Variants in FCN2 observed in about 807,000 individuals in gnomAD.
FCN2 encodes ficolin-2.
FCN2 carries 31 observed loss-of-function variants against 32.5 expected under a neutral mutation model. That is an observed-to-expected ratio of 0.96 (90% confidence interval 0.72 to 1.29). The LOEUF is 1.29. FCN2 is among the 50% of genes most tolerant of loss of function. The pLI is 0.00. For synonymous variants in FCN2, 181 were observed against 164.5 expected, an observed-to-expected ratio of 1.10 and a Z score of -0.77; for missense variants, 412 against 406.5, an observed-to-expected ratio of 1.01 and a Z score of -0.12.
upstream of FCN2, among the ~76,000 whole-genome samples, chr9:134,877,367 A>G (rs1260580006): frequency 6.6e-6 from 1 of 152,094 alleles, no homozygotes; most frequent in East Asian, 1.9e-4. Flanking sequence ...ATTCTTTCTA[A>G]TTTCTCCTTT....
intron 2 of FCN2, 152 bp downstream of exon 2, chr9:134,882,791 G>A (rs1830684100): frequency 1.6e-6 from 1 of 616,742 alleles, no homozygotes; most frequent in East Asian, 2.7e-5. Context: ...GGCCCAACAG[G>A]GTTCTGACAT....
chr9:134,880,922 G>T lies in FCN2; in HGVS notation c.100+1G>T. The T allele has an allele frequency of 6.2e-7, 1 of 1,609,418 alleles. No individual in the cohort carries two copies. The highest frequency in any genetic ancestry group is 8.5e-7 in the Non-Finnish European group (1 of 1,177,006). ...CTCCAGGCGGCAGACACCTGTCCAG[G>T]TAAGGGCACTCCAGGGCCTCCTCCT... On this transcript the variant is annotated splice_donor_variant, in intron 1 of 7. Coordinates refer to ENST00000291744, the MANE Select transcript of FCN2 (RefSeq NM_004108.3). LOFTEE classifies it high-confidence loss of function.
At chr9:134,879,787 C>G (rs1007572233), upstream of FCN2, among the ~76,000 whole-genome samples, 1 of 152,122 alleles carries the variant, frequency 6.6e-6, no homozygotes, top group East Asian at 1.9e-4. Flanking sequence ...AGTTTAAAAT[C>G]CTTCTACTGA....
chr9:134,872,982 G>A, the FCN2 span, among the ~76,000 whole-genome samples: 1 of 152,150 alleles, frequency 6.6e-6, no homozygotes, highest in African/African-American at 2.4e-5. Context: ...ACAGGGGTGT[G>A]GTGACGTCTC....
the FCN2 span, among the ~76,000 whole-genome samples, chr9:134,865,651 C>T: frequency 6.6e-6 from 1 of 151,590 alleles, no homozygotes; most frequent in Non-Finnish European, 1.5e-5. Flanking sequence ...AAAAAAAAAT[C>T]CACCAAGCAG....
chr9:134,866,593 T>A, the FCN2 span, among the ~76,000 whole-genome samples: 1 of 150,626 alleles, frequency 6.6e-6, no homozygotes, highest in South Asian at 2.1e-4. Flanking sequence ...GGACTTCATG[T>A]CCAAAACACC....
At chr9:134,871,397 G>A in the FCN2 span, among the ~76,000 whole-genome samples, 2 of 152,178 alleles carry the variant, frequency 1.3e-5, no homozygotes, top group Non-Finnish European at 1.5e-5. Flanking sequence ...CTGGCATCTC[G>A]CGGGTCCCAC....
the FCN2 span, among the ~76,000 whole-genome samples, chr9:134,872,069 C>T: frequency 5.3e-5 from 8 of 152,332 alleles, no homozygotes; most frequent in Admixed American, 5.2e-4. Context: ...TCTTCCTCCC[C>T]CCGGCAGACC....
rs761263736 is a variant in FCN2 at position 134,885,925 on chromosome 9, C to T, written c.559+28C>T. On this transcript the variant is annotated intron_variant, in intron 6 of 7. Coordinates refer to ENST00000291744, the MANE Select transcript of FCN2 (RefSeq NM_004108.3). Reference sequence around the variant, plus strand: ...AGGGCCGCTGCTGGGGCTTGGGGGTCGGGGGCCCTGAATGGGGGTGCCCCT... The same window carrying T: ...AGGGCCGCTGCTGGGGCTTGGGGGTTGGGGGCCCTGAATGGGGGTGCCCCT... The T allele has an allele frequency of 1.6e-5, 25 of 1,590,612 alleles. No homozygotes were observed. The African/African-American group carries it at 2.0e-4, about 13-fold the overall frequency.
At chr9:134,882,433 T>G in intron 1 of FCN2, 93 bp from the exon 2 acceptor site, 1 of 1,031,226 alleles carries the variant, frequency 9.7e-7, no homozygotes, top group South Asian at 1.3e-5. Context: ...GTCACCAAGA[T>G]GGCAGATGCC....
At chr9:134,869,319 G>C in the FCN2 span, among the ~76,000 whole-genome samples, 41 of 152,332 alleles carry the variant, frequency 2.7e-4, no homozygotes, top group Middle Eastern at 3.4e-3. Context: ...GAGAGGGAAA[G>C]GTCCTCCTCC....
At chr9:134,881,015 C>G (rs1424939287) in intron 1 of FCN2, 94 bp downstream of exon 1, 6 of 887,996 alleles carry the variant, frequency 6.8e-6, no homozygotes, top group Non-Finnish European at 9.2e-6. Flanking sequence ...AGGCCTTGCA[C>G]CAGGCCGTGT....
At chr9:134,873,424 A>G in the FCN2 span, among the ~76,000 whole-genome samples, 2 of 152,154 alleles carry the variant, frequency 1.3e-5, no homozygotes, top group Non-Finnish European at 2.9e-5. Context: ...CTTCATCTGC[A>G]AAGAGTATGT....
At chr9:134,884,273 C>T (rs1209470136) in intron 3 of FCN2, among the ~76,000 whole-genome samples, 1 of 152,108 alleles carries the variant, frequency 6.6e-6, no homozygotes, top group African/African-American at 2.4e-5. Flanking sequence ...ACCCACAGAC[C>T]TACTCAGAAT....
Position 134,885,301 on chromosome 9 carries a change from T to G in FCN2, c.364T>G (p.Tyr122Asp). The G allele has an allele frequency of 6.2e-7, 1 of 1,614,094 alleles. No homozygotes were observed. Among genetic ancestry groups the G allele is most frequent in the Non-Finnish European group, 8.5e-7 (1 of 1,180,012 alleles). ...GHFLSGWHTIYLPDCRPLTVL... is the reference protein window; with the variant it reads ...GHFLSGWHTIDLPDCRPLTVL... ...CTTCCTGAGCGGCTGGCACACCATC[T>G]ACCTGCCCGACTGCCGGCCCCTGAC... Residue 122 changes from tyrosine (Y) to aspartate (D), a missense_variant, in exon 5 of 8, where the codon TAC (tyrosine) becomes GAC (aspartate). Physicochemically the swap from Tyr to Asp is radical, Grantham distance 160. Coordinates refer to ENST00000291744, the MANE Select transcript of FCN2 (RefSeq NM_004108.3).
chr9:134,885,127 C>T lies in FCN2; in HGVS notation c.302-112C>T, dbSNP rs1830726004. 3 of 1,449,986 alleles carry T rather than the reference C, an allele frequency of 2.1e-6. No homozygotes were observed. The Admixed American group carries it at 5.4e-5, about 26-fold the overall frequency. The allele number at this position is 1,449,986 out of a possible 1,614,324, so 89.8% of individuals were successfully genotyped here. ...CCTGTCCAGGCCTCAGAGTCCCGCT[C>T]TGTTCATACAGACGCCTATGGCCCT... On this transcript the variant is annotated intron_variant, in intron 4 of 7. Transcript: ENST00000291744.
the FCN2 span, among the ~76,000 whole-genome samples, chr9:134,875,214 C>T: frequency 6.2e-4 from 95 of 152,274 alleles, 1 homozygote; most frequent in African/African-American, 2.2e-3. Flanking sequence ...CCTCTAGTAC[C>T]TTGCTGAGTA....
At chr9:134,886,032 C>T (rs1830749556) in intron 6 of FCN2, 135 bp downstream of exon 6, 1 of 929,734 alleles carries the variant, frequency 1.1e-6, no homozygotes, top group Non-Finnish European at 1.6e-6. Context: ...CAGGGTGGCA[C>T]TGGGACCTCC....
At chr9:134,886,697 T>G (rs1052830928) in intron 7 of FCN2, 133 bp downstream of exon 7, 2 of 984,832 alleles carry the variant, frequency 2.0e-6, no homozygotes, top group Non-Finnish European at 3.1e-6. Context: ...CATCTCTACA[T>G]GCAGACACTA....
Sources: allele counts gnomAD v4.1 joint callset (sites outside exome capture counted in the v4.1 genomes callset), GRCh38; gene constraint gnomAD v4.1.1; transcripts MANE v1.5; gene names NCBI Gene and HGNC (gene_info 2026-07-23, HGNC 2026-07-21).